SAMHD1: variants seen among roughly 807,000 people sequenced by gnomAD.
SAMHD1 encodes the protein deoxynucleoside triphosphate triphosphohydrolase SAMHD1.
In SAMHD1, 54 loss-of-function variants were observed where a neutral mutation model predicts 79.6. That is an observed-to-expected ratio of 0.68 (90% confidence interval 0.55 to 0.85). SAMHD1 has a LOEUF of 0.85. SAMHD1 is among the 40% of genes least tolerant of loss of function. The pLI is 0.00. For synonymous variants in SAMHD1, 260 were observed against 264.1 expected, an observed-to-expected ratio of 0.98 and a Z score of 0.15; for missense variants, 663 against 782.7, an observed-to-expected ratio of 0.85 and a Z score of 1.82.
Position 36,893,322 on chromosome 20 carries a change from T to C in SAMHD1, c.1747-256A>G, listed in dbSNP as rs1437637987. 5 of 544,116 alleles carry C rather than the reference T, an allele frequency of 9.2e-6. 1 individual carries two copies. The South Asian group carries it at 1.0e-4, about 11-fold the overall frequency. The allele number at this position is 544,116 out of a possible 1,614,324, so 33.7% of individuals were successfully genotyped here. ...GAGATGACTGGGAGCAGCATACCAC[T>C]GCCCACCTCTATGGCCTCCTTCACA... On this transcript the variant is annotated intron_variant, in intron 15 of 15. Transcript: ENST00000646673.
chr20:36,951,704 G>T lies in SAMHD1; in HGVS notation c.-61C>A. Reference sequence around the variant, plus strand: ...CTCGGCGCCGGACCCGCGCGCAGGCGCACTGACAGCAGGGCCCTGGCGGGG... The same window carrying T: ...CTCGGCGCCGGACCCGCGCGCAGGCTCACTGACAGCAGGGCCCTGGCGGGG... On this transcript the variant is annotated 5_prime_UTR_variant, in exon 1 of 16. Transcript: ENST00000646673. 2 of 1,607,836 alleles carry T rather than the reference G, an allele frequency of 1.2e-6. No individual in the cohort carries two copies. Among genetic ancestry groups the T allele is most frequent in the East Asian group, 2.2e-5 (1 of 44,876 alleles).
intron 13 of SAMHD1, among the ~76,000 whole-genome samples, chr20:36,903,628 C>T (rs2063388863): frequency 6.7e-6 from 1 of 148,340 alleles, no homozygotes; most frequent in Non-Finnish European, 1.5e-5. Flanking sequence ...CGGCTCACTG[C>T]AACCTCTGCC....
At chr20:36,898,695 C>T (rs951194419) in intron 13 of SAMHD1, 151 bp from the exon 14 acceptor site, 7 of 666,404 alleles carry the variant, frequency 1.1e-5, no homozygotes, top group Non-Finnish European at 1.6e-5. Flanking sequence ...GGGTGAATCA[C>T]GAGGTCAGGA....
At position 36,939,961 on chromosome 20, in the gene SAMHD1, T is replaced by A. The variant is rs897117760; in HGVS notation, c.348+1078A>T. Among the ~76,000 whole-genome samples, 15 of 152,186 alleles carry A rather than the reference T, an allele frequency of 9.9e-5. 1 individual carries two copies. Among genetic ancestry groups the A allele is most frequent in the Admixed American group, 6.5e-5 (1 of 15,268 alleles). On this transcript the variant is annotated intron_variant, in intron 3 of 15. Coordinates refer to ENST00000646673, the MANE Select transcript of SAMHD1 (RefSeq NM_015474.4). ...GGCTCATGCCTGTAGTCCCAGCACT[T>A]TGGCAGGACGAGGTGGGTGGATCAC...
At chr20:36,897,783 A>G in intron 15 of SAMHD1, 39 bp downstream of exon 15, 8 of 1,613,534 alleles carry the variant, frequency 5.0e-6, no homozygotes, top group Non-Finnish European at 6.8e-6. Context: ...ACTTAAAAAT[A>G]AAAAATTGTG....
chr20:36,947,225 G>A (rs2063692540), intron 1 of SAMHD1, among the ~76,000 whole-genome samples: 1 of 152,024 alleles, frequency 6.6e-6, no homozygotes, highest in Admixed American at 6.6e-5. Flanking sequence ...GAATTAACAA[G>A]TTAAAACCGT....
rs1359694155 is a variant in SAMHD1, at chr20:36,948,204, T to A, written c.209-1400A>T. ...TAATGAGAAAAGGGACACTGTACCT[T>A]GTGCTTGGCTTATCAAATTAAAAAA... On this transcript the variant is annotated intron_variant, in intron 1 of 15. Transcript: ENST00000646673. 3.9e-5 allele frequency among the ~76,000 whole-genome samples: 6 copies of A among 152,072 alleles called. 1 individual carries two copies.
At chr20:36,905,311 T>A in intron 12 of SAMHD1, 53 bp downstream of exon 12, 6 of 1,593,208 alleles carry the variant, frequency 3.8e-6, no homozygotes, top group Non-Finnish European at 5.2e-6. Context: ...AGTGGTCTCC[T>A]CTTGGAGGAC....
intron 1 of SAMHD1, 67 bp from the exon 2 acceptor site, chr20:36,946,871 A>G: frequency 7.8e-7 from 1 of 1,278,568 alleles, no homozygotes. Flanking sequence ...CAATTTGGAT[A>G]CACCAACATT....
chr20:36,920,372 T>C (rs2063497433), intron 6 of SAMHD1, among the ~76,000 whole-genome samples: 1 of 152,120 alleles, frequency 6.6e-6, no homozygotes, highest in Non-Finnish European at 1.5e-5. Flanking sequence ...TGTCTCAGCC[T>C]CCCAAAGTGG....
chr20:36,930,940 A>G, intron 4 of SAMHD1, 65 bp from the exon 5 acceptor site: 1 of 1,079,788 alleles, frequency 9.3e-7, no homozygotes, highest in Non-Finnish European at 1.4e-6. Context: ...TCTGGTCCTC[A>G]AGAACTTCAG....
intron 13 of SAMHD1, among the ~76,000 whole-genome samples, chr20:36,899,861 C>T (rs561256402): frequency 5.5e-4 from 84 of 152,130 alleles, no homozygotes; most frequent in Admixed American, 1.3e-3. Context: ...TTTGGGAGGC[C>T]GAAGCCAGCG....
At chr20:36,943,904 C>G (rs2146147632) in intron 2 of SAMHD1, among the ~76,000 whole-genome samples, 1 of 151,788 alleles carries the variant, frequency 6.6e-6, no homozygotes. Flanking sequence ...ATAGTGAAAC[C>G]CTGTCTCTAC....
intron 15 of SAMHD1, among the ~76,000 whole-genome samples, chr20:36,894,625 G>A (rs1036208369): frequency 4.0e-5 from 6 of 151,672 alleles, no homozygotes; most frequent in Non-Finnish European, 7.4e-5. Flanking sequence ...AAATTAGCCG[G>A]GCATGGTGGC....
In SAMHD1 at chr20:36,890,408, T is replaced by TTCTTTCTTTCTC. The variant is rs1990039188; in HGVS notation, c.*2523_*2524insGAGAAAGAAAGA. On this transcript the variant is annotated 3_prime_UTR_variant, in exon 16 of 16. Coordinates refer to ENST00000646673, the MANE Select transcript of SAMHD1 (RefSeq NM_015474.4). ...AAGATATTTCTTTCTCTTTCTTTCT[T>TTCTTTCTTTCTC]TCTTTCTTTCTTTTCTTTCTCTCTT... is the stretch of plus-strand genomic sequence containing the variant. 6.7e-6 allele frequency: 1 copy of TTCTTTCTTTCTC among 149,696 alleles called. No individual in the cohort carries two copies. Among genetic ancestry groups the TTCTTTCTTTCTC allele is most frequent in the Non-Finnish European group, 1.5e-5 (1 of 67,604 alleles). 9.3% of individuals were successfully genotyped at this position (149,696 alleles called of 1,614,324 possible). A position where few individuals can be genotyped will look rare whatever the true frequency, so the allele number is the denominator to read the frequency against.
In SAMHD1 at chr20:36,914,390, G is replaced by A. The variant is rs148709041; in HGVS notation, c.1063-1838C>T. ...TTTTGAGGTGGAGCCTTGCTCTGCC[G>A]CCCAGGCTGGAGTGCAGTGGCGCAA... On this transcript the variant is annotated intron_variant, in intron 9 of 15. Transcript: ENST00000646673. Among the ~76,000 whole-genome samples the A allele has an allele frequency of 6.8e-3, 1,027 of 150,916 alleles. 11 individuals are homozygous for A. Among genetic ancestry groups the A allele is most frequent in the African/African-American group, 0.021 (853 of 41,046 alleles).
chr20:36,944,982 TAC>T (rs1388750110), intron 2 of SAMHD1, among the ~76,000 whole-genome samples: 1 of 152,218 alleles, frequency 6.6e-6, no homozygotes, highest in Non-Finnish European at 1.5e-5. Context: ...CCTACAGCCA[TAC>T]ACAGAGATGG....
intron 3 of SAMHD1, chr20:36,940,352 C>T (rs1400258374): frequency 6.6e-6 from 1 of 151,872 alleles, no homozygotes; most frequent in Non-Finnish European, 1.5e-5. Flanking sequence ...TGATAAACAT[C>T]AAATTCAGGA....
intron 6 of SAMHD1, among the ~76,000 whole-genome samples, chr20:36,925,717 A>G (rs2063532159): frequency 2.0e-5 from 3 of 152,248 alleles, no homozygotes; most frequent in Admixed American, 2.0e-4. Flanking sequence ...AGATATATCA[A>G]TAACAAAGTA....
Sources: gnomAD v4.1 joint callset for allele counts (sites outside exome capture counted in the v4.1 genomes callset) on GRCh38, gnomAD v4.1.1 for gene constraint, MANE v1.5 for transcripts, NCBI Gene and HGNC (gene_info 2026-07-23, HGNC 2026-07-21) for gene names.